Variants in CAST observed in about 807,000 individuals in gnomAD.
CAST encodes MIR583 host.
A neutral mutation model predicts 119.6 loss-of-function variants in CAST; 76 were observed. The observed-to-expected ratio is 0.64, with a 90% CI of 0.53 to 0.77. The LOEUF (loss-of-function observed/expected upper bound fraction) is 0.77. Ranked by LOEUF, CAST falls within the 30% of genes least tolerant of loss-of-function variation. The probability of loss-of-function intolerance (pLI) is 0.00; values close to 1 mark genes in which losing one functional copy is unlikely to be tolerated. For synonymous variants in CAST, 319 were observed against 331.6 expected (o/e 0.96, Z 0.41); for missense variants, 953 against 946.5 (o/e 1.01, Z -0.09).
chr5:96,424,005 G>C, the CAST span, among the ~76,000 whole-genome samples: 12 of 152,276 alleles, frequency 7.9e-5, no homozygotes, highest in South Asian at 2.5e-3. Context: ...AGTGATTTAG[G>C]GGGTAAGTGT....
chr5:96,256,231 A>T, the CAST span, among the ~76,000 whole-genome samples: 1 of 148,326 alleles, frequency 6.7e-6, no homozygotes, highest in African/African-American at 2.4e-5. Flanking sequence ...TTATATAAAC[A>T]TATAATTTAT....
chr5:96,433,652 C>T, the CAST span, among the ~76,000 whole-genome samples: 1 of 152,062 alleles, frequency 6.6e-6, no homozygotes, highest in Non-Finnish European at 1.5e-5. Flanking sequence ...TGGGCATCAG[C>T]ACCTGCTATG....
chr5:96,570,172 C>T (rs1746545066), intron 1 of CAST, among the ~76,000 whole-genome samples: 1 of 152,150 alleles, frequency 6.6e-6, no homozygotes, highest in Admixed American at 6.5e-5. Context: ...CCTTAATATC[C>T]TTAGGAAGAG....
intron 2 of CAST, among the ~76,000 whole-genome samples, chr5:96,678,360 T>C (rs73774375): frequency 0.023 from 3,563 of 152,210 alleles, 144 homozygotes; most frequent in African/African-American, 0.081. Context: ...CAAACCAGGG[T>C]CTTTGAAACA....
At chr5:96,361,351 G>C in the CAST span, among the ~76,000 whole-genome samples, 1 of 152,022 alleles carries the variant, frequency 6.6e-6, no homozygotes, top group South Asian at 2.1e-4. Flanking sequence ...GTTCTGTTTC[G>C]CTGGCATTCC....
At chr5:96,537,824 T>G (rs566766104) in intron 1 of CAST, among the ~76,000 whole-genome samples, 2 of 152,338 alleles carry the variant, frequency 1.3e-5, no homozygotes, top group South Asian at 4.1e-4. Context: ...CCATCAAAAC[T>G]GTAGATACCT....
chr5:96,173,428 A>T, the CAST span, among the ~76,000 whole-genome samples: 1 of 152,258 alleles, frequency 6.6e-6, no homozygotes, highest in Non-Finnish European at 1.5e-5. Context: ...TGTCATCAGA[A>T]TAATGGTACT....
chr5:96,679,892 C>T (rs987354594), intron 2 of CAST, among the ~76,000 whole-genome samples: 3 of 151,856 alleles, frequency 2.0e-5, no homozygotes, highest in African/African-American at 2.4e-5. Flanking sequence ...TGAGTCTTAC[C>T]GCTTAAACTA....
At chr5:96,461,130 C>T in the CAST span, among the ~76,000 whole-genome samples, 1 of 152,134 alleles carries the variant, frequency 6.6e-6, no homozygotes, top group Admixed American at 6.6e-5. Flanking sequence ...CATTTTATGT[C>T]TAGCTTCTTT....
the CAST span, among the ~76,000 whole-genome samples, chr5:96,195,046 C>T: frequency 6.6e-6 from 1 of 152,238 alleles, no homozygotes; most frequent in Non-Finnish European, 1.5e-5. Flanking sequence ...TATATTAATA[C>T]ACGAGAGGCT....
the CAST span, among the ~76,000 whole-genome samples, chr5:96,053,492 T>C: frequency 6.6e-6 from 1 of 152,188 alleles, no homozygotes; most frequent in East Asian, 1.9e-4. Context: ...ATTACAGATA[T>C]CCTGGTGCAA....
At chr5:95,989,969 T>G in the CAST span, among the ~76,000 whole-genome samples, 1 of 152,126 alleles carries the variant, frequency 6.6e-6, no homozygotes, top group Non-Finnish European at 1.5e-5. Flanking sequence ...GAGTTCTTTA[T>G]TAGACCCTTA....
At chr5:96,374,545 A>C in the CAST span, among the ~76,000 whole-genome samples, 1 of 152,166 alleles carries the variant, frequency 6.6e-6, no homozygotes, top group African/African-American at 2.4e-5. Context: ...CTCTGCATCA[A>C]TCTGCGTATT....
the CAST span, among the ~76,000 whole-genome samples, chr5:96,173,110 G>T: frequency 2.6e-5 from 4 of 152,194 alleles, no homozygotes; most frequent in Non-Finnish European, 5.9e-5. Flanking sequence ...TGGCTGGGAA[G>T]GTGAATTTCC....
At chr5:96,414,310 A>G in the CAST span, among the ~76,000 whole-genome samples, 11 of 152,182 alleles carry the variant, frequency 7.2e-5, no homozygotes, top group Non-Finnish European at 1.5e-4. Context: ...CTTTACATGT[A>G]TAAACTCATC....
chr5:96,302,113 C>G, the CAST span, among the ~76,000 whole-genome samples: 17 of 152,212 alleles, frequency 1.1e-4, no homozygotes, highest in African/African-American at 3.9e-4. Flanking sequence ...CCTTTATGCA[C>G]TTGCAGGCTT....
the CAST span, among the ~76,000 whole-genome samples, chr5:96,500,186 C>T: frequency 6.6e-6 from 1 of 152,062 alleles, no homozygotes; most frequent in Non-Finnish European, 1.5e-5. Flanking sequence ...TTGAAAATTA[C>T]CAAAATGTTA....
chr5:96,558,390 A>G (rs1328258924), intron 1 of CAST, among the ~76,000 whole-genome samples: 6 of 143,212 alleles, frequency 4.2e-5, no homozygotes, highest in Admixed American at 1.4e-4. Flanking sequence ...ACACAAAAAA[A>G]CCCTTCAAAA....
At chr5:96,555,475 G>A (rs1253947055) in intron 1 of CAST, among the ~76,000 whole-genome samples, 1 of 152,188 alleles carries the variant, frequency 6.6e-6, no homozygotes, top group Non-Finnish European at 1.5e-5. Context: ...CCCTTTCCTA[G>A]TCAAAGAAAG....
Sources: allele counts gnomAD v4.1 joint callset (sites outside exome capture counted in the v4.1 genomes callset), GRCh38; gene constraint gnomAD v4.1.1; transcripts MANE v1.5; gene names NCBI Gene and HGNC (gene_info 2026-07-23, HGNC 2026-07-21).